Variants in WWTR1 observed in about 807,000 individuals in gnomAD.
WWTR1 encodes the protein WW domain-containing transcription regulator protein 1.
A neutral mutation model predicts 40.1 loss-of-function variants in WWTR1; 13 were observed. That is an observed-to-expected ratio of 0.32 (90% CI 0.21 to 0.52). The LOEUF is 0.52. Ranked by LOEUF, WWTR1 falls within the 20% of genes least tolerant of loss-of-function variation. The probability of loss-of-function intolerance (pLI) is 0.97; values close to 1 mark genes in which losing one functional copy is unlikely to be tolerated. For missense variants in WWTR1, 436 were observed against 523.1 expected (o/e 0.83, Z 1.63); for synonymous variants, 230 against 210.1 (o/e 1.09, Z -0.82).
rs534203828 is a variant in WWTR1, at chr3:149,563,801, C to A, written c.568+9063G>T. Among the ~76,000 whole-genome samples the A allele has an allele frequency of 2.2e-4, 33 of 152,296 alleles. No homozygotes were observed. The South Asian group carries it at 6.8e-3, about 32-fold the overall frequency. ...GAGTCTGGCTCTGTCACCCAGGCTG[C>A]AGTGCAGCAGCTCCATCTTGGCTCA... On this transcript the variant is annotated intron_variant, in intron 3 of 6. Coordinates refer to ENST00000360632, the MANE Select transcript of WWTR1 (RefSeq NM_015472.6).
chr3:149,566,070 T>G (rs1245699634), intron 3 of WWTR1, among the ~76,000 whole-genome samples: 2 of 152,124 alleles, frequency 1.3e-5, no homozygotes, highest in Non-Finnish European at 2.9e-5. Context: ...GGCTCACACC[T>G]GTAATCCCAG....
At chr3:149,683,384 A>C (rs1714524543) in intron 1 of WWTR1, among the ~76,000 whole-genome samples, 1 of 152,200 alleles carries the variant, frequency 6.6e-6, no homozygotes, top group Non-Finnish European at 1.5e-5. Context: ...AACTTCTTGC[A>C]GTTGCCCTGC....
At chr3:149,636,660 T>A (rs903278566) in intron 2 of WWTR1, among the ~76,000 whole-genome samples, 1 of 152,238 alleles carries the variant, frequency 6.6e-6, no homozygotes, top group African/African-American at 2.4e-5. Context: ...AAATATGTAT[T>A]GGCTTATTGC....
chr3:149,588,327 C>T (rs1738527203), intron 2 of WWTR1, among the ~76,000 whole-genome samples: 1 of 152,198 alleles, frequency 6.6e-6, no homozygotes, highest in African/African-American at 2.4e-5. Flanking sequence ...GCCAGCAAAC[C>T]AGCTCTTGAG....
chr3:149,551,320 G>C (rs1235931593), intron 3 of WWTR1, among the ~76,000 whole-genome samples: 1 of 144,150 alleles, frequency 6.9e-6, no homozygotes, highest in Non-Finnish European at 1.5e-5. Context: ...GAGTAGAACA[G>C]GTAGAGGCTG....
chr3:149,641,480 C>A (rs2108127524), intron 2 of WWTR1, among the ~76,000 whole-genome samples: 1 of 152,322 alleles, frequency 6.6e-6, no homozygotes, highest in South Asian at 2.1e-4. Flanking sequence ...AATGCATGTG[C>A]AACTGGGAAA....
chr3:149,548,943 C>A (rs79079775), intron 3 of WWTR1, among the ~76,000 whole-genome samples: 1 of 152,132 alleles, frequency 6.6e-6, no homozygotes, highest in Non-Finnish European at 1.5e-5. Context: ...TATTTCCTAA[C>A]AGTACTTCGG....
At chr3:149,721,366 G>T (rs2108238390) in intron 4 of WWTR1, among the ~76,000 whole-genome samples, 1 of 152,292 alleles carries the variant, frequency 6.6e-6, no homozygotes, top group South Asian at 2.1e-4. Context: ...TGATCATGTG[G>T]CTTTCTCCCT....
At chr3:149,543,595 A>AAAAAAAAAAAAAG in intron 3 of WWTR1, among the ~76,000 whole-genome samples, 1 of 149,400 alleles carries the variant, frequency 6.7e-6, no homozygotes, top group African/African-American at 2.4e-5. Context: ...AAAAAAAAAA[A>AAAAAAAAAAAAAG]AAAAAAAAGA....
chr3:149,584,292 G>C (rs1468688922), intron 2 of WWTR1, among the ~76,000 whole-genome samples: 1 of 152,092 alleles, frequency 6.6e-6, no homozygotes. Flanking sequence ...AATTCTTTTG[G>C]GTTAGGCTAG....
intron 3 of WWTR1, among the ~76,000 whole-genome samples, chr3:149,564,403 C>T (rs1737213294): frequency 6.6e-6 from 1 of 152,078 alleles, no homozygotes; most frequent in Non-Finnish European, 1.5e-5. Context: ...CTTTAATACA[C>T]ATGGGGCCTG....
intron 2 of WWTR1, among the ~76,000 whole-genome samples, chr3:149,590,564 T>C (rs1372846790): frequency 6.6e-6 from 1 of 152,112 alleles, no homozygotes; most frequent in African/African-American, 2.4e-5. Context: ...GAGAATCGCT[T>C]GAACCCGGGA....
At chr3:149,541,659 G>A (rs1335262178) in intron 4 of WWTR1, among the ~76,000 whole-genome samples, 1 of 151,888 alleles carries the variant, frequency 6.6e-6, no homozygotes, top group Non-Finnish European at 1.5e-5. Context: ...GCGACTCCAC[G>A]ACCGTTTCCA....
intron 1 of WWTR1, among the ~76,000 whole-genome samples, chr3:149,676,828 G>T (rs1239918014): frequency 6.6e-6 from 1 of 151,890 alleles, no homozygotes; most frequent in Admixed American, 6.6e-5. Context: ...GTCAGCAAAA[G>T]AGTCAGAGAA....
chr3:149,682,605 C>T (rs1039084141), intron 1 of WWTR1, among the ~76,000 whole-genome samples: 1 of 152,146 alleles, frequency 6.6e-6, no homozygotes, highest in Non-Finnish European at 1.5e-5. Flanking sequence ...CATACAATAT[C>T]GAATAGACTG....
At chr3:149,703,878 G>T (rs570005349), upstream of WWTR1, among the ~76,000 whole-genome samples, 1 of 152,280 alleles carries the variant, frequency 6.6e-6, no homozygotes, top group South Asian at 2.1e-4. Context: ...AGCAGATGCT[G>T]GCGCATGCTT....
At chr3:149,577,175 A>G (rs775575278) in intron 2 of WWTR1, among the ~76,000 whole-genome samples, 1 of 152,082 alleles carries the variant, frequency 6.6e-6, no homozygotes, top group Non-Finnish European at 1.5e-5. Context: ...AAACAAACAA[A>G]CAAACAAAAA....
At position 149,517,420 on chromosome 3, in the gene WWTR1, G is replaced by A. The variant is rs1335934274; in HGVS notation, c.*3385C>T. 1.3e-5 allele frequency: 2 copies of A among 152,126 alleles called. No individual in the cohort carries two copies. Among genetic ancestry groups the A allele is most frequent in the African/African-American group, 4.8e-5 (2 of 41,422 alleles). 9.4% of individuals were successfully genotyped at this position (152,126 alleles called of 1,614,324 possible). ...AGAAGTAAAATTTTAAAAAGTTAAA[G>A]TACTAGCACATATATGTGTTAGGAA... is the stretch of plus-strand genomic sequence containing the variant. On this transcript the variant is annotated 3_prime_UTR_variant, in exon 7 of 7. Coordinates refer to ENST00000360632, the MANE Select transcript of WWTR1 (RefSeq NM_015472.6).
intron 2 of WWTR1, among the ~76,000 whole-genome samples, chr3:149,605,776 T>C (rs1269956115): frequency 6.6e-6 from 1 of 152,144 alleles, no homozygotes; most frequent in Admixed American, 6.5e-5. Flanking sequence ...ATGAAGCTGC[T>C]TTCTTACCAC....
Sources: allele counts gnomAD v4.1 joint callset (sites outside exome capture counted in the v4.1 genomes callset), GRCh38; gene constraint gnomAD v4.1.1; transcripts MANE v1.5; gene names NCBI Gene and HGNC (gene_info 2026-07-23, HGNC 2026-07-21).